The following ALKBH3 variants were observed in gnomAD, a reference collection of about 807,000 sequenced individuals.
The protein encoded by ALKBH3 is alpha-ketoglutarate-dependent dioxygenase alkB homolog 3.
In ALKBH3, 51 loss-of-function variants were observed where a neutral mutation model predicts 43.9. The observed-to-expected ratio is 1.16, with a 90% CI of 0.93 to 1.47. The LOEUF is 1.47. Ranked by LOEUF, ALKBH3 falls within the 40% of genes most tolerant of loss-of-function variation. ALKBH3 has a pLI of 0.00. For missense variants in ALKBH3, 361 were observed against 351.9 expected, an observed-to-expected ratio of 1.03 and a Z score of -0.21; for synonymous variants, 102 against 115.2, an observed-to-expected ratio of 0.89 and a Z score of 0.73.
At chr11:43,914,566 TA>T (rs34921510) in intron 8 of ALKBH3, among the ~76,000 whole-genome samples, 25,126 of 150,598 alleles carry the variant, frequency 0.17, 2,505 homozygotes, top group South Asian at 0.34. Context: ...TGTAAACTCT[TA>T]AAAAAAAAAC....
intron 8 of ALKBH3, among the ~76,000 whole-genome samples, chr11:43,903,486 C>T (rs1951876253): frequency 6.6e-6 from 1 of 152,144 alleles, no homozygotes; most frequent in Admixed American, 6.5e-5. Context: ...CAGGAGTGGT[C>T]CTGAGACCGG....
rs556690002 is a variant in ALKBH3 at position 43,894,715 on chromosome 11, C to T, written c.459+2586C>T. ...TTTCTTGTTAAGCGTGTAATTCTAG[C>T]ATCTGATCTTTATCGCTATGAAGAT... On this transcript the variant is annotated intron_variant, in intron 7 of 9. Transcript: ENST00000302708. Among the ~76,000 whole-genome samples, 3 of 152,300 alleles carry T rather than the reference C, an allele frequency of 2.0e-5. No homozygotes were observed. The East Asian group carries it at 5.8e-4, about 29-fold the overall frequency.
intron 7 of ALKBH3, chr11:43,897,490 A>G (rs1951827533): frequency 4.0e-6 from 3 of 752,100 alleles, no homozygotes; most frequent in South Asian, 2.8e-5. Context: ...GTGAGGGTAT[A>G]CAAATACCCC....
chr11:43,897,380 A>G lies in ALKBH3; in HGVS notation c.460-4136A>G, dbSNP rs1565125444. 1.3e-4 allele frequency: 90 copies of G among 717,358 alleles called. No individual in the cohort carries two copies. The East Asian group carries it at 2.3e-3, about 18-fold the overall frequency. 44.4% of individuals were successfully genotyped at this position (717,358 alleles called of 1,614,324 possible). On this transcript the variant is annotated intron_variant, in intron 7 of 9. Transcript: ENST00000302708. The stretch of plus-strand genomic sequence containing the variant: ...GTAAGTTTTAATATCCTCTCACCAT[A>G]TTCAGCTTAAAATACCATACTTAAT...
At chr11:43,893,483 A>G (rs937004994) in intron 7 of ALKBH3, among the ~76,000 whole-genome samples, 1 of 152,218 alleles carries the variant, frequency 6.6e-6, no homozygotes, top group African/African-American at 2.4e-5. Context: ...ATTTATGACA[A>G]TCCTTTTTTT....
At position 43,906,973 on chromosome 11, in the gene ALKBH3, T is replaced by G. The variant is rs115331500; in HGVS notation, c.669+5248T>G. Among the ~76,000 whole-genome samples the G allele has an allele frequency of 8.1e-3, 1,232 of 152,296 alleles. 13 individuals are homozygous for G. Among genetic ancestry groups the G allele is most frequent in the African/African-American group, 0.028 (1,162 of 41,558 alleles). On this transcript the variant is annotated intron_variant, in intron 8 of 9. Transcript: ENST00000302708. Reference sequence around the variant, plus strand: ...TAGTAATCAGTGAATTTTTAAGCTTTTGTAAATGGTAGATGCTATGGTGAC... The same window carrying G: ...TAGTAATCAGTGAATTTTTAAGCTTGTGTAAATGGTAGATGCTATGGTGAC...
chr11:43,913,714 G>C (rs543981778), intron 8 of ALKBH3, among the ~76,000 whole-genome samples: 1 of 152,282 alleles, frequency 6.6e-6, no homozygotes, highest in East Asian at 1.9e-4. Context: ...AGATGACAAC[G>C]GTCTTAGACG....
chr11:43,899,883 A>G (rs1279723794), intron 7 of ALKBH3, among the ~76,000 whole-genome samples: 1 of 151,788 alleles, frequency 6.6e-6, no homozygotes. Flanking sequence ...AAAAAAAAAA[A>G]AAAAAAGGAA....
intron 8 of ALKBH3, among the ~76,000 whole-genome samples, chr11:43,908,736 A>G (rs1951914682): frequency 6.6e-6 from 1 of 152,228 alleles, no homozygotes; most frequent in African/African-American, 2.4e-5. Context: ...TATTGCAGCA[A>G]TAAGTCTGAA....
At chr11:43,898,765 A>G (rs1951839386) in intron 7 of ALKBH3, 2 of 744,478 alleles carry the variant, frequency 2.7e-6, no homozygotes, top group East Asian at 4.9e-5. Flanking sequence ...TGTGCTCTGG[A>G]CGCTGGTTAG....
chr11:43,913,042 C>T (rs7115013), intron 8 of ALKBH3, among the ~76,000 whole-genome samples: 60,647 of 149,270 alleles, frequency 0.41, 12,730 homozygotes, highest in East Asian at 0.61. Flanking sequence ...CACATATTTA[C>T]ATATTGATCA....
In ALKBH3 at chr11:43,901,644, C is replaced by T. The variant is rs747645982; in HGVS notation, c.588C>T (p.Pro196=). 6.2e-7 allele frequency: 1 copy of T among 1,614,118 alleles called. No individual in the cohort carries two copies. Among genetic ancestry groups the T allele is most frequent in the African/African-American group, 1.3e-5 (1 of 74,942 alleles). Residue 196 remains proline (P), a synonymous_variant, in exon 8 of 10, where the codon CCC becomes CCT. Coordinates refer to ENST00000302708, the MANE Select transcript of ALKBH3 (RefSeq NM_139178.4). The part of the protein sequence containing the change: ...DSVDWHSDDE[P]SLGRCPIIAS... The stretch of plus-strand genomic sequence containing the variant: ...TGGACTGGCACAGTGATGATGAACC[C>T]TCACTAGGGAGGTGCCCCATTATTG...
At chr11:43,886,263 TC>T (rs1476679755) in intron 4 of ALKBH3, among the ~76,000 whole-genome samples, 2 of 152,224 alleles carry the variant, frequency 1.3e-5, no homozygotes, top group East Asian at 3.8e-4. Flanking sequence ...TATCCCCTAT[TC>T]CACATTCTCC....
Position 43,883,125 on chromosome 11 carries a change from G to C in ALKBH3, c.120G>C (p.Gln40His), listed in dbSNP as rs369839865. Residue 40 changes from glutamine to histidine, a missense_variant, in exon 3 of 10, where the codon CAG becomes CAC. Transcript: ENST00000302708. ...GCCATCTCCACCAGAAGCCTGGCCAGACCTGGAAGAACAAAGAGCATCATC... is the reference window on the plus strand; with the variant it reads ...GCCATCTCCACCAGAAGCCTGGCCACACCTGGAAGAACAAAGAGCATCATC... The part of the protein sequence containing the change: ...AKSHLHQKPG[Q>H]TWKNKEHHLS... 1 of 1,614,114 alleles carries C rather than the reference G, an allele frequency of 6.2e-7. No homozygotes were observed. The highest frequency in any genetic ancestry group is 1.1e-5 in the South Asian group (1 of 91,042).
intron 6 of ALKBH3, among the ~76,000 whole-genome samples, chr11:43,891,140 G>A (rs1347353508): frequency 6.6e-6 from 1 of 152,156 alleles, no homozygotes; most frequent in Non-Finnish European, 1.5e-5. Context: ...TGTTACTCAT[G>A]CATCAGAATA....
chr11:43,917,899 A>C (rs189194648), intron 8 of ALKBH3, among the ~76,000 whole-genome samples: 46 of 152,326 alleles, frequency 3.0e-4, no homozygotes, highest in African/African-American at 1.1e-3. Context: ...GTTACTGCCA[A>C]AAGTTGGGGC....
intron 5 of ALKBH3, among the ~76,000 whole-genome samples, chr11:43,887,785 GT>G (rs71449862): frequency 6.7e-6 from 1 of 149,754 alleles, no homozygotes; most frequent in African/African-American, 2.5e-5. Context: ...TTCTTTTTTT[GT>G]TTTTTTTTGT....
chr11:43,901,494 T>C, intron 7 of ALKBH3, 22 bp from the exon 8 acceptor site: 1 of 1,612,194 alleles, frequency 6.2e-7, no homozygotes, highest in Non-Finnish European at 8.5e-7. Context: ...GTCTTGCCCT[T>C]TTCTTGGTCT....
At chr11:43,909,383 A>G (rs1284528023) in intron 8 of ALKBH3, 1 of 152,198 alleles carries the variant, frequency 6.6e-6, no homozygotes, top group African/African-American at 2.4e-5. Context: ...CACTATGAAC[A>G]AGAGGACCAG....
Sources: gnomAD v4.1 joint callset for allele counts (sites outside exome capture counted in the v4.1 genomes callset) on GRCh38, gnomAD v4.1.1 for gene constraint, MANE v1.5 for transcripts, NCBI Gene and HGNC (gene_info 2026-07-23, HGNC 2026-07-21) for gene names.